Variants in MACROD2 observed in about 807,000 individuals in gnomAD.
MACROD2 encodes the protein ADP-ribose glycohydrolase MACROD2.
MACROD2 carries 36 observed loss-of-function variants against 70.4 expected under a neutral mutation model. The ratio of observed to expected loss-of-function variants is 0.51; its 90% CI spans 0.39 to 0.68. MACROD2 has a LOEUF of 0.68. Among genes scored for constraint, MACROD2 ranks in the 30% least tolerant of loss-of-function variants. The pLI, the probability that MACROD2 is intolerant of heterozygous loss-of-function variation, is 0.00. For synonymous variants in MACROD2, 172 were observed against 178.8 expected, an observed-to-expected ratio of 0.96 and a Z score of 0.30; for missense variants, 496 against 538.4, an observed-to-expected ratio of 0.92 and a Z score of 0.78.
chr20:15,307,111 A>C (rs1358698974), intron 6 of MACROD2, among the ~76,000 whole-genome samples: 1 of 152,112 alleles, frequency 6.6e-6, no homozygotes, highest in African/African-American at 2.4e-5. Flanking sequence ...CCCCCACTCC[A>C]ACACTGGGGA....
chr20:14,183,350 G>A (rs1031324902), intron 3 of MACROD2, among the ~76,000 whole-genome samples: 1 of 151,926 alleles, frequency 6.6e-6, no homozygotes, highest in Non-Finnish European at 1.5e-5. Flanking sequence ...TCCTTGTAAA[G>A]CATGTGATCA....
chr20:14,950,700 C>G (rs1404504037), intron 5 of MACROD2, among the ~76,000 whole-genome samples: 1 of 152,114 alleles, frequency 6.6e-6, no homozygotes, highest in Non-Finnish European at 1.5e-5. Flanking sequence ...ACTTCAGGGT[C>G]TCCATTGAAG....
intron 5 of MACROD2, among the ~76,000 whole-genome samples, chr20:14,702,488 C>T (rs947761967): frequency 3.3e-5 from 5 of 150,006 alleles, no homozygotes; most frequent in African/African-American, 1.2e-4. Context: ...ACACAAATGG[C>T]CTCATGGTGT....
At chr20:15,397,552 G>T (rs1178306449) in intron 6 of MACROD2, among the ~76,000 whole-genome samples, 1 of 152,134 alleles carries the variant, frequency 6.6e-6, no homozygotes, top group Non-Finnish European at 1.5e-5. Context: ...TGCCTGCTTG[G>T]CCTCTCAAAG....
chr20:14,331,512 T>C (rs767261853), intron 3 of MACROD2, among the ~76,000 whole-genome samples: 1 of 152,082 alleles, frequency 6.6e-6, no homozygotes, highest in Non-Finnish European at 1.5e-5. Context: ...TCTCCCCACA[T>C]TGTATTAAAA....
At chr20:14,515,120 A>G (rs915953010) in intron 4 of MACROD2, among the ~76,000 whole-genome samples, 1 of 152,120 alleles carries the variant, frequency 6.6e-6, no homozygotes, top group Admixed American at 6.6e-5. Context: ...TGAAAATTCT[A>G]CAAAGCTCAA....
intron 5 of MACROD2, among the ~76,000 whole-genome samples, chr20:14,851,323 G>T (rs1310805572): frequency 1.3e-5 from 2 of 152,104 alleles, no homozygotes; most frequent in African/African-American, 4.8e-5. Flanking sequence ...GATAAGATCA[G>T]TTTAGTTGCT....
intron 4 of MACROD2, among the ~76,000 whole-genome samples, chr20:14,579,212 G>T (rs894251811): frequency 7.7e-5 from 11 of 141,962 alleles, no homozygotes; most frequent in African/African-American, 2.9e-4. Context: ...CGCAATCTCG[G>T]CTCACTGCAA....
chr20:15,996,841 C>T (rs2066639063), intron 15 of MACROD2, among the ~76,000 whole-genome samples: 1 of 152,090 alleles, frequency 6.6e-6, no homozygotes, highest in South Asian at 2.1e-4. Flanking sequence ...TCAGGTCTTA[C>T]ATTTAAGTTT....
At chr20:15,239,510 C>CT (rs753490081) in intron 6 of MACROD2, among the ~76,000 whole-genome samples, 3 of 152,008 alleles carry the variant, frequency 2.0e-5, no homozygotes, top group Non-Finnish European at 4.4e-5. Flanking sequence ...TCCTGGATGT[C>CT]TTATCAAAGT....
chr20:14,886,819 C>G (rs944499166), intron 5 of MACROD2, among the ~76,000 whole-genome samples: 1 of 151,984 alleles, frequency 6.6e-6, no homozygotes, highest in Non-Finnish European at 1.5e-5. Flanking sequence ...GAAGTAAGAA[C>G]AGAAAGTGAC....
At chr20:15,620,973 GA>G (rs1234791263) in intron 8 of MACROD2, among the ~76,000 whole-genome samples, 2 of 152,092 alleles carry the variant, frequency 1.3e-5, no homozygotes, top group East Asian at 1.9e-4. Context: ...GAAGGTCACA[GA>G]AAAAAAGTTT....
chr20:15,649,697 T>G (rs2049614769), intron 8 of MACROD2, among the ~76,000 whole-genome samples: 3 of 152,170 alleles, frequency 2.0e-5, no homozygotes, highest in Non-Finnish European at 4.4e-5. Context: ...CCACTCTGAT[T>G]GGCTTAGACA....
intron 7 of MACROD2, among the ~76,000 whole-genome samples, chr20:15,452,667 T>C (rs550624875): frequency 6.6e-6 from 1 of 152,260 alleles, no homozygotes; most frequent in South Asian, 2.1e-4. Context: ...TCCTTATAAC[T>C]GTGGGCAGTG....
chr20:15,900,664 C>A (rs565208718), intron 10 of MACROD2, among the ~76,000 whole-genome samples: 1 of 152,190 alleles, frequency 6.6e-6, no homozygotes. Flanking sequence ...GGAACGATCC[C>A]AATTTATGCA....
intron 10 of MACROD2, among the ~76,000 whole-genome samples, chr20:15,927,426 A>G (rs2147305156): frequency 6.6e-6 from 1 of 152,316 alleles, no homozygotes; most frequent in East Asian, 1.9e-4. Context: ...AGGATTTGGC[A>G]TGATCTGGAC....
intron 8 of MACROD2, among the ~76,000 whole-genome samples, chr20:15,506,588 A>G (rs544201835): frequency 3.9e-5 from 6 of 152,336 alleles, no homozygotes; most frequent in African/African-American, 1.2e-4. Flanking sequence ...ATCACCGAAA[A>G]AAAACCCCAG....
intron 11 of MACROD2, among the ~76,000 whole-genome samples, chr20:15,934,845 G>A (rs961102569): frequency 1.3e-5 from 2 of 151,788 alleles, no homozygotes; most frequent in African/African-American, 4.8e-5. Context: ...CTACAGGCAC[G>A]CACCACCATG....
chr20:14,791,156 C>T (rs1485885537), intron 5 of MACROD2, among the ~76,000 whole-genome samples: 1 of 152,054 alleles, frequency 6.6e-6, no homozygotes, highest in Non-Finnish European at 1.5e-5. Flanking sequence ...ACTAGTCCTA[C>T]ATTGTACAAA....
Sources: gnomAD v4.1 joint callset for allele counts (sites outside exome capture counted in the v4.1 genomes callset) on GRCh38, gnomAD v4.1.1 for gene constraint, MANE v1.5 for transcripts, NCBI Gene and HGNC (gene_info 2026-07-23, HGNC 2026-07-21) for gene names.